CHRNA4: variants seen among roughly 807,000 people sequenced by gnomAD.
CHRNA4 encodes the protein neuronal acetylcholine receptor subunit alpha-4.
CHRNA4 carries 28 observed loss-of-function variants against 48.9 expected under a neutral mutation model. That is an observed-to-expected ratio of 0.57 (90% CI 0.42 to 0.79). The LOEUF (loss-of-function observed/expected upper bound fraction) is 0.79, where lower values mean the gene tolerates loss of function less well. CHRNA4 is among the 30% of genes least tolerant of loss of function. CHRNA4 has a pLI of 0.00. For synonymous variants in CHRNA4, 425 were observed against 402.3 expected, an observed-to-expected ratio of 1.06 and a Z score of -0.68; for missense variants, 859 against 898.4, an observed-to-expected ratio of 0.96 and a Z score of 0.56.
chr20:63,346,721 A>G lies in CHRNA4; in HGVS notation c.*17T>C. 1 of 1,601,532 alleles carries G rather than the reference A, an allele frequency of 6.2e-7. No homozygotes were observed. The highest frequency in any genetic ancestry group is 1.1e-5 in the South Asian group (1 of 90,542). On this transcript the variant is annotated 3_prime_UTR_variant, in exon 6 of 6. Coordinates refer to ENST00000370263, the MANE Select transcript of CHRNA4 (RefSeq NM_000744.7). The stretch of plus-strand genomic sequence containing the variant: ...CGTGCACGGCAGCCCCAGGCCACGC[A>G]GGCTCCCGGTCCCTTCCTAGATCAT...
At chr20:63,347,678 G>A (rs551788590) in intron 5 of CHRNA4, among the ~76,000 whole-genome samples, 15 of 152,312 alleles carry the variant, frequency 9.8e-5, no homozygotes, top group Admixed American at 2.6e-4. Context: ...CGGCTCCCCC[G>A]TCCCGCGTCT....
rs1424062454 is a variant in CHRNA4 at position 63,345,455 on chromosome 20, T to TG, written c.*1282dup. 1.0e-5 allele frequency: 4 copies of TG among 384,440 alleles called. No homozygotes were observed. The highest frequency in any genetic ancestry group is 6.2e-5 in the African/African-American group (3 of 48,240). The allele number at this position is 384,440 out of a possible 1,614,324, so 23.8% of individuals were successfully genotyped here. A position where few individuals can be genotyped will look rare whatever the true frequency, so the allele number is the denominator to read the frequency against. On this transcript the variant is annotated 3_prime_UTR_variant, in exon 6 of 6. Transcript: ENST00000370263. This position sits in a 1 kb window ranked among gnomAD's most constrained non-coding sequence, Gnocchi z 5.4. ...AGGGGAAGTGTGCCCCTGGGGACAC[T>TG]GGGGGGCTGCCGGGTGCGCCATCTT...
At chr20:63,347,431 G>A (rs976608303) in intron 5 of CHRNA4, among the ~76,000 whole-genome samples, 4 of 152,238 alleles carry the variant, frequency 2.6e-5, no homozygotes, top group Non-Finnish European at 4.4e-5. Flanking sequence ...AGGCCTTCAG[G>A]GGCGGCTGCG....
chr20:63,354,590 G>A, intron 4 of CHRNA4: 1 of 536,080 alleles, frequency 1.9e-6, no homozygotes, highest in South Asian at 8.7e-5. Context: ...TGGAAGTGGG[G>A]GGGGCTGCAG....
At chr20:63,358,914 G>C (rs2145407020) in intron 2 of CHRNA4, among the ~76,000 whole-genome samples, 1 of 148,260 alleles carries the variant, frequency 6.7e-6, no homozygotes, top group African/African-American at 2.5e-5. Flanking sequence ...CCGCAGCTCA[G>C]TTCTCTCAGC....
At chr20:63,351,794 G>A (rs1490475885) in intron 4 of CHRNA4, among the ~76,000 whole-genome samples, 2 of 152,232 alleles carry the variant, frequency 1.3e-5, no homozygotes, top group African/African-American at 4.8e-5. Flanking sequence ...AGGCCCAGGT[G>A]GGCAACAGAG....
intron 2 of CHRNA4, among the ~76,000 whole-genome samples, chr20:63,358,997 G>A (rs1449497068): frequency 2.6e-5 from 4 of 152,184 alleles, no homozygotes; most frequent in Non-Finnish European, 5.9e-5. Context: ...GGCCTGGCTG[G>A]ACCAGTAGGC....
intron 4 of CHRNA4, among the ~76,000 whole-genome samples, chr20:63,352,121 C>T (rs557743689): frequency 6.6e-6 from 1 of 152,288 alleles, no homozygotes; most frequent in East Asian, 1.9e-4. Context: ...TCCTGCTCCA[C>T]CTCTGCCAAG....
In CHRNA4 at chr20:63,350,745, C is replaced by T; in HGVS notation, c.666G>A (p.Lys222=). The change falls in exon 5 of 6, where the codon AAG becomes AAA. Residue 222 remains lysine, a synonymous_variant. Coordinates refer to ENST00000370263, the MANE Select transcript of CHRNA4 (RefSeq NM_000744.7). ...VDAVGTYNTR[K]YECCAEIYPD... is the part of the protein sequence containing the mutation. Reference sequence around the variant, plus strand: ...GGTAGATCTCGGCACAGCACTCGTACTTCCTGGTGTTGTAGGTGCCCACGG... The same window carrying T: ...GGTAGATCTCGGCACAGCACTCGTATTTCCTGGTGTTGTAGGTGCCCACGG... 1 of 1,528,150 alleles carries T rather than the reference C, an allele frequency of 6.5e-7. No homozygotes were observed. The highest frequency in any genetic ancestry group is 8.8e-7 in the Non-Finnish European group (1 of 1,137,240). The allele number at this position is 1,528,150 out of a possible 1,614,324, so 94.7% of individuals were successfully genotyped here. A position where few individuals can be genotyped will look rare whatever the true frequency, so the allele number is the denominator to read the frequency against.
At chr20:63,355,835 G>C (rs1018048819) in intron 4 of CHRNA4, 140 bp downstream of exon 4, 2 of 1,191,534 alleles carry the variant, frequency 1.7e-6, no homozygotes, top group African/African-American at 1.5e-5. Flanking sequence ...CTGGGCCTGG[G>C]CTGGCATGCA....
intron 4 of CHRNA4, chr20:63,354,589 G>T: frequency 1.7e-6 from 1 of 592,636 alleles, no homozygotes; most frequent in Non-Finnish European, 2.0e-6. Flanking sequence ...GTGGAAGTGG[G>T]GGGGGCTGCA....
At chr20:63,355,600 C>G (rs1006165958) in intron 4 of CHRNA4, 2 of 1,308,488 alleles carry the variant, frequency 1.5e-6, no homozygotes, top group Non-Finnish European at 2.0e-6. Flanking sequence ...CTGCAGCTGT[C>G]AAGGGTGGGG....
intron 1 of CHRNA4, 155 bp from the exon 2 acceptor site, chr20:63,359,854 T>A: frequency 7.6e-6 from 4 of 528,856 alleles, no homozygotes; most frequent in Non-Finnish European, 9.0e-6. Flanking sequence ...CCTGTGTGTG[T>A]GCCGGGCGTG....
Position 63,345,756 on chromosome 20 carries a change from C to T in CHRNA4, c.*982G>A. On this transcript the variant is annotated 3_prime_UTR_variant, in exon 6 of 6. Coordinates refer to ENST00000370263, the MANE Select transcript of CHRNA4 (RefSeq NM_000744.7). This position sits in a 1 kb window ranked among gnomAD's most constrained non-coding sequence, Gnocchi z 5.4. ...CTACTGTAGCAGGAAGTCCTTCTTCCCGAACCCAGAGCCCAGGGCGGATCT... is the reference window on the plus strand; with the variant it reads ...CTACTGTAGCAGGAAGTCCTTCTTCTCGAACCCAGAGCCCAGGGCGGATCT... 1 of 446,382 alleles carries T rather than the reference C, an allele frequency of 2.2e-6. No homozygotes were observed. Among genetic ancestry groups the T allele is most frequent in the South Asian group, 1.6e-5 (1 of 64,298 alleles). The allele number at this position is 446,382 out of a possible 1,614,324, so 27.7% of individuals were successfully genotyped here.
intron 4 of CHRNA4, among the ~76,000 whole-genome samples, chr20:63,351,692 G>C (rs770940919): frequency 2.0e-5 from 3 of 152,254 alleles, no homozygotes; most frequent in Non-Finnish European, 2.9e-5. Flanking sequence ...AATGCAGTGG[G>C]GCTGCATACG....
At chr20:63,354,235 G>T (rs2068681872) in intron 4 of CHRNA4, among the ~76,000 whole-genome samples, 1 of 116,814 alleles carries the variant, frequency 8.6e-6, no homozygotes, top group Non-Finnish European at 1.7e-5. Flanking sequence ...CTAGGGGGCT[G>T]TGGTCCTAAA....
intron 4 of CHRNA4, among the ~76,000 whole-genome samples, chr20:63,355,042 G>A (rs45470095): frequency 0.017 from 2,585 of 152,264 alleles, 68 homozygotes; most frequent in African/African-American, 0.059. Flanking sequence ...GGTGCCCTGG[G>A]GCCTGGAAAG....
At chr20:63,348,923 G>A (rs1387462442) in intron 5 of CHRNA4, among the ~76,000 whole-genome samples, 13 of 152,240 alleles carry the variant, frequency 8.5e-5, no homozygotes, top group Admixed American at 7.2e-4. Flanking sequence ...GCACAGCCAC[G>A]GGTAACACGG....
chr20:63,350,183 C>T lies in CHRNA4; in HGVS notation c.1228G>A (p.Val410Ile), dbSNP rs121912272. 2.3e-4 allele frequency: 362 copies of T among 1,592,564 alleles called. 1 individual carries two copies. Among genetic ancestry groups the T allele is most frequent in the Non-Finnish European group, 2.9e-4 (340 of 1,168,184 alleles). ...GGCTCAGCCGGCACATCCAGGGGGA[C>T]ACAGAAGGACGGTGAGGGCGGGTGC... The part of the protein sequence containing the change: ...SLHPPSPSFC[V>I]PLDVPAEPGP... The change falls in exon 5 of 6, where the codon GTC becomes ATC. Residue 410 changes from valine (V) to isoleucine (I), a missense_variant. Val to Ile is a conservative substitution (Grantham distance 29). Coordinates refer to ENST00000370263, the MANE Select transcript of CHRNA4 (RefSeq NM_000744.7).
Sources: gnomAD v4.1 joint callset for allele counts (sites outside exome capture counted in the v4.1 genomes callset) on GRCh38, gnomAD v4.1.1 for gene constraint, Gnocchi (gnomAD v3.1) non-coding constraint, MANE v1.5 for transcripts, NCBI Gene and HGNC (gene_info 2026-07-23, HGNC 2026-07-21) for gene names.